The following ELFN1 variants were observed in gnomAD, a reference collection of about 807,000 sequenced individuals.
ELFN1 encodes protein ELFN1.
In ELFN1, 6 loss-of-function variants were observed where a neutral mutation model predicts 7.6. The observed-to-expected ratio is 0.79, with a 90% CI of 0.43 to 1.56. The LOEUF is 1.56. Ranked by LOEUF, ELFN1 falls within the 40% of genes most tolerant of loss-of-function variation. ELFN1 has a pLI of 0.01. For synonymous variants in ELFN1, 657 were observed against 588.1 expected (o/e 1.12, Z -1.70); for missense variants, 1,169 against 1,232.2 (o/e 0.95, Z 0.77).
intron 2 of ELFN1, among the ~76,000 whole-genome samples, chr7:1,696,848 C>T (rs1195158289): frequency 6.6e-6 from 1 of 152,216 alleles, no homozygotes; most frequent in South Asian, 2.1e-4. Context: ...GGGCACACTT[C>T]AGCCCACGGC....
intron 3 of ELFN1, among the ~76,000 whole-genome samples, chr7:1,734,470 G>A (rs1316255506): frequency 6.6e-6 from 1 of 152,332 alleles, no homozygotes; most frequent in Admixed American, 6.5e-5. Flanking sequence ...CCCAGAGGTA[G>A]GATGGCAGAA....
intron 3 of ELFN1, among the ~76,000 whole-genome samples, chr7:1,723,020 C>T (rs965709680): frequency 1.3e-5 from 2 of 152,094 alleles, no homozygotes; most frequent in African/African-American, 4.8e-5. Flanking sequence ...CATGGTGAAA[C>T]CCCATCTCTA....
chr7:1,717,228 A>G (rs1008176896), intron 3 of ELFN1, among the ~76,000 whole-genome samples: 5 of 152,200 alleles, frequency 3.3e-5, no homozygotes, highest in African/African-American at 1.2e-4. Flanking sequence ...CCCACACTCC[A>G]GTATCACAGC....
At chr7:1,702,663 A>G (rs943315762) in intron 2 of ELFN1, among the ~76,000 whole-genome samples, 8 of 151,286 alleles carry the variant, frequency 5.3e-5, no homozygotes, top group Non-Finnish European at 1.2e-4. Flanking sequence ...TAGAAATTCA[A>G]TATATATTTG....
In ELFN1 at chr7:1,673,480, G is replaced by A. The variant is rs925860357; in HGVS notation, c.-549+3126G>A. On this transcript the variant is annotated intron_variant, in intron 1 of 3. Transcript: ENST00000424383. This position sits in a 1 kb window ranked among gnomAD's most constrained non-coding sequence, Gnocchi z 4.7. Reference sequence around the variant, plus strand: ...GCTATGGGCACTCGAGCCCAGCACCGTGCCCCCCCTCCCCGCCCCCTGCCC... The same window carrying A: ...GCTATGGGCACTCGAGCCCAGCACCATGCCCCCCCTCCCCGCCCCCTGCCC... Among the ~76,000 whole-genome samples, 7 of 152,258 alleles carry A rather than the reference G, an allele frequency of 4.6e-5. No individual in the cohort carries two copies. The highest frequency in any genetic ancestry group is 4.1e-4 in the South Asian group (2 of 4,832).
intron 3 of ELFN1, among the ~76,000 whole-genome samples, chr7:1,711,646 C>T (rs576815166): frequency 2.0e-5 from 3 of 150,862 alleles, no homozygotes; most frequent in South Asian, 4.2e-4. Context: ...AGGGAGAAAG[C>T]GCACTCGGAA....
rs1012355348 is a variant in ELFN1, at chr7:1,739,835, C to T, written c.-293-4469C>T. Among the ~76,000 whole-genome samples the T allele has an allele frequency of 1.3e-5, 2 of 151,584 alleles. No individual in the cohort carries two copies. The highest frequency in any genetic ancestry group is 4.8e-5 in the African/African-American group (2 of 41,252). On this transcript the variant is annotated intron_variant, in intron 3 of 3. Coordinates refer to ENST00000424383, the MANE Select transcript of ELFN1 (RefSeq NM_001128636.4). The surrounding 1 kb of genome is among the most constrained non-coding windows in gnomAD (Gnocchi z 4.6). ...GCCCGAGGGGGGACGCCCGGTGGGG[C>T]GGGGCTGAGGATGGAAGAGGAGGTG...
chr7:1,732,303 C>T (rs1780342315), intron 3 of ELFN1, among the ~76,000 whole-genome samples: 1 of 152,164 alleles, frequency 6.6e-6, no homozygotes, highest in Non-Finnish European at 1.5e-5. Context: ...CCAGGCGAAT[C>T]ACAGCCTCAA....
rs1376477293 is a variant in ELFN1 at position 1,744,454 on chromosome 7, G to A, written c.-143G>A. On this transcript the variant is annotated 5_prime_UTR_variant, in exon 4 of 4. Coordinates refer to ENST00000424383, the MANE Select transcript of ELFN1 (RefSeq NM_001128636.4). ...CTCCCTCCCCGCGCTTACGTCGCGC[G>A]GCCATGCGGTTTGGGACAGGACACC... The A allele has an allele frequency of 2.6e-5, 25 of 962,500 alleles. No individual in the cohort carries two copies. The highest frequency in any genetic ancestry group is 3.4e-4 in the Middle Eastern group (1 of 2,942). The allele number at this position is 962,500 out of a possible 1,614,324, so 59.6% of individuals were successfully genotyped here. A position where few individuals can be genotyped will look rare whatever the true frequency, so the allele number is the denominator to read the frequency against.
At chr7:1,697,843 G>A (rs1008969757) in intron 2 of ELFN1, among the ~76,000 whole-genome samples, 1 of 152,194 alleles carries the variant, frequency 6.6e-6, no homozygotes, top group Non-Finnish European at 1.5e-5. Flanking sequence ...GGAGTGCAGT[G>A]GTGCAATCAT....
Position 1,735,190 on chromosome 7 carries a change from C to T in ELFN1, c.-293-9114C>T, listed in dbSNP as rs933875128. On this transcript the variant is annotated intron_variant, in intron 3 of 3. Transcript: ENST00000424383. The surrounding 1 kb of genome is among the most constrained non-coding windows in gnomAD (Gnocchi z 5.9). The stretch of plus-strand genomic sequence containing the variant: ...TTTGCATGCGGGAGGTGCTGCACAC[C>T]GGCGGACCGTCGAGGAAACAGGAGC... 5.9e-5 allele frequency among the ~76,000 whole-genome samples: 9 copies of T among 152,138 alleles called. No homozygotes were observed. The highest frequency in any genetic ancestry group is 2.6e-4 in the Admixed American group (4 of 15,282).
chr7:1,707,438 C>T (rs892203458), intron 2 of ELFN1, among the ~76,000 whole-genome samples: 9 of 152,216 alleles, frequency 5.9e-5, no homozygotes, highest in South Asian at 2.1e-4. Flanking sequence ...GGTGGGCAAA[C>T]GCCCTGCATC....
At chr7:1,726,111 C>A (rs1351225531) in intron 3 of ELFN1, among the ~76,000 whole-genome samples, 1 of 152,150 alleles carries the variant, frequency 6.6e-6, no homozygotes, top group African/African-American at 2.4e-5. Flanking sequence ...ACGCACTATT[C>A]TCTCCCAGGG....
intron 3 of ELFN1, among the ~76,000 whole-genome samples, chr7:1,723,115 AC>A (rs1780073998): frequency 6.6e-6 from 1 of 152,212 alleles, no homozygotes; most frequent in African/African-American, 2.4e-5. Flanking sequence ...AATCACTTGA[AC>A]CCAGGAGTTG....
At chr7:1,719,841 C>T (rs867728419) in intron 3 of ELFN1, among the ~76,000 whole-genome samples, 54 of 149,700 alleles carry the variant, frequency 3.6e-4, no homozygotes, top group Non-Finnish European at 7.0e-4. Flanking sequence ...CCCCCAACAC[C>T]GCCTCTGCAA....
upstream of ELFN1, among the ~76,000 whole-genome samples, chr7:1,669,715 C>A (rs2128571859): frequency 6.6e-6 from 1 of 152,284 alleles, no homozygotes; most frequent in East Asian, 1.9e-4. Context: ...CAGAGGAGGC[C>A]CGGCCTGCGC....
chr7:1,674,447 G>C (rs1365421640), intron 1 of ELFN1, among the ~76,000 whole-genome samples: 1 of 152,138 alleles, frequency 6.6e-6, no homozygotes, highest in Non-Finnish European at 1.5e-5. Flanking sequence ...TCGCCTGTGA[G>C]CCGGACCCAA....
upstream of ELFN1, among the ~76,000 whole-genome samples, chr7:1,668,255 C>T (rs1048852044): frequency 3.9e-5 from 6 of 152,242 alleles, no homozygotes; most frequent in African/African-American, 1.4e-4. Flanking sequence ...CAGTTTGCAC[C>T]CCGAGGAAAT....
intron 3 of ELFN1, among the ~76,000 whole-genome samples, chr7:1,710,627 A>T (rs1779629297): frequency 6.6e-6 from 1 of 152,222 alleles, no homozygotes. Flanking sequence ...GGGGGGCCAC[A>T]TGGTGATTCA....
Sources: allele counts gnomAD v4.1 joint callset (sites outside exome capture counted in the v4.1 genomes callset), GRCh38; gene constraint gnomAD v4.1.1; non-coding constraint Gnocchi (gnomAD v3.1); transcripts MANE v1.5; gene names NCBI Gene and HGNC (gene_info 2026-07-23, HGNC 2026-07-21).